The following CCDC77 variants were observed in gnomAD, a reference collection of about 807,000 sequenced individuals.
CCDC77 encodes coiled-coil domain-containing protein 77.
CCDC77 carries 56 observed loss-of-function variants against 66.8 expected under a neutral mutation model. That is an observed-to-expected ratio of 0.84 (90% CI 0.68 to 1.05). The LOEUF (loss-of-function observed/expected upper bound fraction) is 1.05. Ranked by LOEUF, CCDC77 falls within the 50% of genes least tolerant of loss-of-function variation. The pLI, the probability that CCDC77 is intolerant of heterozygous loss-of-function variation, is 0.00. For synonymous variants in CCDC77, 196 were observed against 195.2 expected (o/e 1.00, Z -0.03); for missense variants, 570 against 576.8 (o/e 0.99, Z 0.12).
chr12:416,363 GTGTGTGTGTGTGTGTATATATA>G lies in CCDC77; in HGVS notation c.271-2129_271-2108del, dbSNP rs1224621834. Among the ~76,000 whole-genome samples the G allele has an allele frequency of 9.1e-3, 404 of 44,162 alleles. 10 individuals are homozygous for G. The highest frequency in any genetic ancestry group is 0.022 in the East Asian group (29 of 1,328). 29.0% of individuals were successfully genotyped at this position (44,162 alleles called of 152,430 possible). Reference sequence around the variant, plus strand: ...TGTGGGGGTGTGTGTGTGTGTGTGTGTGTGTGTGTGTGTGTATATATATATATATATATATATATATATATAT... The same window carrying G: ...TGTGGGGGTGTGTGTGTGTGTGTGTGTATATATATATATATATATATATAT... On this transcript the variant is annotated intron_variant, in intron 4 of 12. Coordinates refer to ENST00000239830, the MANE Select transcript of CCDC77 (RefSeq NM_032358.4).
intron 3 of CCDC77, 98 bp downstream of exon 3, chr12:409,519 T>TA: frequency 8.4e-7 from 1 of 1,189,344 alleles, no homozygotes; most frequent in Admixed American, 1.9e-5. Context: ...ACATATTTCC[T>TA]AAAGTTTTTT....
At chr12:408,194 A>G (rs1400218548) in intron 2 of CCDC77, among the ~76,000 whole-genome samples, 3 of 152,128 alleles carry the variant, frequency 2.0e-5, no homozygotes, top group Admixed American at 6.6e-5. Context: ...TTGATAAGAA[A>G]GTTTTCACCA....
intron 3 of CCDC77, chr12:409,658 A>G: frequency 3.9e-6 from 2 of 510,118 alleles, no homozygotes; most frequent in Admixed American, 3.4e-5. Flanking sequence ...CTGTGATTAC[A>G]GGCATAAGCC....
At position 418,479 on chromosome 12, in the gene CCDC77, G is replaced by T. The variant is rs763404815; in HGVS notation, c.271-15G>T. 1.2e-5 allele frequency: 20 copies of T among 1,613,710 alleles called. No homozygotes were observed. Among genetic ancestry groups the T allele is most frequent in the Non-Finnish European group, 1.4e-5 (17 of 1,179,668 alleles). ...CCCAGTGTCTTTCAACTATCTTATT[G>T]TGGTTTTTTTGCAGCATAAACTTGA... On this transcript the variant is annotated splice_polypyrimidine_tract_variant and intron_variant, in intron 4 of 12. Coordinates refer to ENST00000239830, the MANE Select transcript of CCDC77 (RefSeq NM_032358.4).
chr12:414,791 T>G (rs1186919793), intron 4 of CCDC77, among the ~76,000 whole-genome samples: 1 of 151,882 alleles, frequency 6.6e-6, no homozygotes, highest in African/African-American at 2.4e-5. Context: ...AAATATTACT[T>G]AATCCATTCC....
At chr12:412,315 A>T (rs1945127993) in intron 4 of CCDC77, among the ~76,000 whole-genome samples, 1 of 152,198 alleles carries the variant, frequency 6.6e-6, no homozygotes, top group South Asian at 2.1e-4. Context: ...AAGTCCTTCA[A>T]ACCTAAACCC....
chr12:427,118 G>A (rs1057182928), intron 5 of CCDC77, among the ~76,000 whole-genome samples: 6 of 152,022 alleles, frequency 3.9e-5, no homozygotes, highest in Non-Finnish European at 5.9e-5. Context: ...TGTGGCATGC[G>A]CCTGTAGTCC....
intron 5 of CCDC77, among the ~76,000 whole-genome samples, chr12:426,053 T>G (rs1299914645): frequency 6.6e-6 from 1 of 152,148 alleles, no homozygotes; most frequent in South Asian, 2.1e-4. Context: ...TTAGTAGAGA[T>G]GGGGTTTCAC....
At chr12:437,492 A>G (rs1265270001) in intron 9 of CCDC77, among the ~76,000 whole-genome samples, 1 of 150,990 alleles carries the variant, frequency 6.6e-6, no homozygotes, top group Non-Finnish European at 1.5e-5. Flanking sequence ...CAGAGAATGG[A>G]GGAATTAAAA....
At chr12:393,763 C>T (rs930614094) in intron 1 of CCDC77, among the ~76,000 whole-genome samples, 15 of 152,130 alleles carry the variant, frequency 9.9e-5, no homozygotes, top group Admixed American at 3.9e-4. Flanking sequence ...AATTCCTGGC[C>T]TCAGGTGATC....
rs570546342 is a variant in CCDC77 at position 431,577 on chromosome 12, T to C, written c.584-289T>C. The stretch of plus-strand genomic sequence containing the variant: ...ACTAAGAAAATAGACACAACTATTT[T>C]AGTGGTTGATTCTAAGGAAAATTTA... On this transcript the variant is annotated intron_variant, in intron 7 of 12. Coordinates refer to ENST00000239830, the MANE Select transcript of CCDC77 (RefSeq NM_032358.4). Among the ~76,000 whole-genome samples, 4 of 152,306 alleles carry C rather than the reference T, an allele frequency of 2.6e-5. No homozygotes were observed. In the South Asian group the frequency reaches 8.3e-4, roughly 32 times the overall value.
chr12:402,987 T>TA (rs1293692021), intron 1 of CCDC77, among the ~76,000 whole-genome samples: 2 of 152,168 alleles, frequency 1.3e-5, no homozygotes, highest in Non-Finnish European at 2.9e-5. Flanking sequence ...TTTGAGATGC[T>TA]AAAAAAATAC....
intron 1 of CCDC77, among the ~76,000 whole-genome samples, chr12:393,757 C>A (rs1944790942): frequency 6.6e-6 from 1 of 152,140 alleles, no homozygotes; most frequent in South Asian, 2.1e-4. Context: ...GTCTCGAATT[C>A]CTGGCCTCAG....
chr12:439,419 C>G (rs1945819374), intron 10 of CCDC77, among the ~76,000 whole-genome samples: 1 of 151,558 alleles, frequency 6.6e-6, no homozygotes, highest in African/African-American at 2.4e-5. Flanking sequence ...ACTCGGGAGG[C>G]TGAGGCAGGA....
rs377251121 is a variant in CCDC77 at position 431,844 on chromosome 12, T to C, written c.584-22T>C. On this transcript the variant is annotated intron_variant, in intron 7 of 12. Transcript: ENST00000239830. ...GAAAAGCTGAGTAAAATCTTCTTGA[T>C]GGATTTTGTTTTCTATTTTAGATCC... 4 of 1,491,212 alleles carry C rather than the reference T, an allele frequency of 2.7e-6. No individual in the cohort carries two copies. In the African/African-American group the frequency reaches 5.6e-5, roughly 21 times the overall value. 92.4% of individuals were successfully genotyped at this position (1,491,212 alleles called of 1,614,324 possible).
intron 2 of CCDC77, among the ~76,000 whole-genome samples, chr12:406,403 T>C (rs1944991624): frequency 6.6e-6 from 1 of 152,168 alleles, no homozygotes; most frequent in South Asian, 2.1e-4. Context: ...AGTAGAAGTG[T>C]GCCTGGCACG....
chr12:437,955 A>G (rs1405641508), intron 9 of CCDC77, among the ~76,000 whole-genome samples: 2 of 152,034 alleles, frequency 1.3e-5, no homozygotes, highest in Admixed American at 1.3e-4. Context: ...TGTTTTTGAT[A>G]CTATAGAATT....
At chr12:436,796 C>A in intron 9 of CCDC77, 1 of 981,228 alleles carries the variant, frequency 1.0e-6, no homozygotes, top group Non-Finnish European at 1.2e-6. Context: ...CTAAGAAGGG[C>A]ATGAAATCCA....
chr12:428,031 A>G (rs1451262909), intron 5 of CCDC77, among the ~76,000 whole-genome samples: 6 of 152,120 alleles, frequency 3.9e-5, no homozygotes, highest in Admixed American at 3.9e-4. Flanking sequence ...TTGACCAGGC[A>G]CTGGATATGG....
Sources: allele counts gnomAD v4.1 joint callset (sites outside exome capture counted in the v4.1 genomes callset), GRCh38; gene constraint gnomAD v4.1.1; transcripts MANE v1.5; gene names NCBI Gene and HGNC (gene_info 2026-07-23, HGNC 2026-07-21).